Variants in C14orf93 observed in about 807,000 individuals in gnomAD.
C14orf93 encodes the protein chromosome 14 open reading frame 93.
A neutral mutation model predicts 44.0 loss-of-function variants in C14orf93; 23 were observed. The observed-to-expected ratio is 0.52, with a 90% CI of 0.38 to 0.74. The LOEUF (loss-of-function observed/expected upper bound fraction) is 0.74. Ranked by LOEUF, C14orf93 falls within the 30% of genes least tolerant of loss-of-function variation. C14orf93 has a pLI of 0.00. For synonymous variants in C14orf93, 253 were observed against 265.7 expected (o/e 0.95, Z 0.46); for missense variants, 579 against 678.9 (o/e 0.85, Z 1.64).
At chr14:22,988,133 G>GA in intron 5 of C14orf93, 118 bp from the exon 6 acceptor site, 1 of 588,144 alleles carries the variant, frequency 1.7e-6, no homozygotes, top group Admixed American at 3.3e-5. Context: ...TTAGATGAGG[G>GA]CTTTTTTTTT....
intron 1 of C14orf93, among the ~76,000 whole-genome samples, chr14:23,002,438 C>T (rs1231335760): frequency 7.3e-6 from 1 of 136,330 alleles, no homozygotes. Flanking sequence ...GGTGATGGAA[C>T]GAGACTCCAT....
Position 22,987,264 on chromosome 14 carries a change from C to G in C14orf93, c.1568G>C (p.Cys523Ser). The part of the protein sequence containing the change: ...PSFDQPHKTC[C>S]PDLNSFIEIK... ...TTCAATGAATGAGTTCAAGTCAGGA[C>G]AGCAGGTTTTGTGGGGTTGGTCAAA... Residue 523 changes from cysteine to serine, a missense_variant, in exon 7 of 7, where the codon TGT (cysteine) becomes TCT (serine). Physicochemically the swap from Cys to Ser is moderately radical, Grantham distance 112. Coordinates refer to ENST00000299088, the MANE Select transcript of C14orf93 (RefSeq NM_021944.4). This position sits in a 1 kb window ranked among gnomAD's most constrained non-coding sequence, Gnocchi z 5.6. 6.2e-7 allele frequency: 1 copy of G among 1,614,222 alleles called. No individual in the cohort carries two copies.
At chr14:23,004,827 A>G (rs2046545772) in intron 1 of C14orf93, among the ~76,000 whole-genome samples, 1 of 152,156 alleles carries the variant, frequency 6.6e-6, no homozygotes, top group African/African-American at 2.4e-5. Context: ...CTGAGGCAGG[A>G]GAATCACTTG....
chr14:23,009,641 G>T (rs1178377081), intron 1 of C14orf93, among the ~76,000 whole-genome samples: 1 of 112,502 alleles, frequency 8.9e-6, no homozygotes, highest in Admixed American at 8.0e-5. Flanking sequence ...CAGCCACTTG[G>T]TTTTGGTTCT....
At chr14:23,007,798 G>A (rs1294457092) in intron 1 of C14orf93, among the ~76,000 whole-genome samples, 1 of 152,134 alleles carries the variant, frequency 6.6e-6, no homozygotes, top group East Asian at 1.9e-4. Context: ...AAGGTAAAAA[G>A]TATATGTGAT....
intron 3 of C14orf93, among the ~76,000 whole-genome samples, chr14:22,992,373 G>A (rs1013349849): frequency 2.0e-5 from 3 of 151,254 alleles, no homozygotes; most frequent in Non-Finnish European, 4.4e-5. Context: ...GGCTGAGACA[G>A]AGGAATTGCT....
In C14orf93 at chr14:22,986,459, A is replaced by G. The variant is rs1340899126; in HGVS notation, c.*756T>C. 6.6e-6 allele frequency: 1 copy of G among 152,306 alleles called. No individual in the cohort carries two copies. The highest frequency in any genetic ancestry group is 2.4e-5 in the African/African-American group (1 of 41,452). The allele number at this position is 152,306 out of a possible 1,614,324, so 9.4% of individuals were successfully genotyped here. On this transcript the variant is annotated 3_prime_UTR_variant, in exon 7 of 7. Transcript: ENST00000299088. ...AATGTAAAGCCATTTTTGCTTTTCAATCCATCCAAAATGCACACCCCTTCC... is the reference window on the plus strand; with the variant it reads ...AATGTAAAGCCATTTTTGCTTTTCAGTCCATCCAAAATGCACACCCCTTCC...
In C14orf93 at chr14:22,998,863, G is replaced by A. The variant is rs778053279; in HGVS notation, c.161C>T (p.Ala54Val). Reference protein sequence around the residue: ...TPITVTGHGLAVQSSEQLLHV... With the variant: ...TPITVTGHGLVVQSSEQLLHV... ...CAGGAGCTGCTCTGAGCTCTGAACA[G>A]CCAAGCCATGTCCAGTCACTGTGAT... Residue 54 changes from alanine to valine, a missense_variant, in exon 2 of 7, where the codon GCT becomes GTT. Coordinates refer to ENST00000299088, the MANE Select transcript of C14orf93 (RefSeq NM_021944.4). 1 of 1,613,958 alleles carries A rather than the reference G, an allele frequency of 6.2e-7. No homozygotes were observed. Among genetic ancestry groups the A allele is most frequent in the South Asian group, 1.1e-5 (1 of 91,072 alleles).
chr14:22,991,069 C>T (rs1304832126), intron 3 of C14orf93, among the ~76,000 whole-genome samples: 3 of 151,754 alleles, frequency 2.0e-5, no homozygotes, highest in African/African-American at 4.8e-5. Flanking sequence ...CTGCCCGCCT[C>T]GGCCTCCCAA....
Position 22,998,817 on chromosome 14 carries a change from G to A in C14orf93, c.207C>T (p.Val69=), listed in dbSNP as rs755319357. 47 of 1,613,950 alleles carry A rather than the reference G, an allele frequency of 2.9e-5. No homozygotes were observed. The highest frequency in any genetic ancestry group is 2.7e-4 in the Admixed American group (16 of 59,992). The change falls in exon 2 of 7, where the codon GTC becomes GTT. Residue 69 remains valine (V), a synonymous_variant. Transcript: ENST00000299088. The part of the protein sequence containing the change: ...EQLLHVIYQR[V]DKAVGLAEAA... ...CTTCAGCCAAACCCACTGCCTTATC[G>A]ACCCGCTGGTAGATAACATGCAGGA...
Position 22,996,139 on chromosome 14 carries a change from C to T in C14orf93, c.727G>A (p.Gly243Arg), listed in dbSNP as rs2045959989. 4.3e-6 allele frequency: 7 copies of T among 1,614,054 alleles called. No homozygotes were observed. The East Asian group carries it at 1.6e-4, about 36-fold the overall frequency. ...GGGCGGGGTGGTGGCAGCTTGGTTC[C>T]ATTTTCTGGTCCTGTCTCTGGGGTT... is the stretch of plus-strand genomic sequence containing the variant. The part of the protein sequence containing the change: ...RATPETGPEN[G>R]TKLPPPRPED... The change falls in exon 3 of 7, where the codon GGA becomes AGA. Residue 243 changes from glycine to arginine, a missense_variant. By Grantham distance (125) the Gly-to-Arg change is moderately radical. Transcript: ENST00000299088. This position sits in a 1 kb window ranked among gnomAD's most constrained non-coding sequence, Gnocchi z 4.1.
chr14:22,993,856 C>G (rs763274924), intron 3 of C14orf93: 1 of 152,236 alleles, frequency 6.6e-6, no homozygotes, highest in Non-Finnish European at 1.5e-5. Context: ...TGGAGAGATG[C>G]CTCTTTGATT....
rs757188716 is a variant in C14orf93, at chr14:22,987,883, AG to A, written c.1197+19del. 1 of 1,578,386 alleles carries A rather than the reference AG, an allele frequency of 6.3e-7. No homozygotes were observed. Among genetic ancestry groups the A allele is most frequent in the African/African-American group, 1.4e-5 (1 of 73,924 alleles). On this transcript the variant is annotated intron_variant, in intron 6 of 6. Transcript: ENST00000299088. This position sits in a 1 kb window ranked among gnomAD's most constrained non-coding sequence, Gnocchi z 5.6. ...AGGGTTTAGAGTTTAGTATCTTGAA[AG>A]AAAGGCCTAGAAACCTACCCGATAT...
At chr14:22,989,697 GA>G (rs777020551) in intron 5 of C14orf93, 44 bp downstream of exon 5, 1 of 1,272,546 alleles carries the variant, frequency 7.9e-7, no homozygotes, top group South Asian at 1.2e-5. Context: ...AGTGGGAGGA[GA>G]GGGGGAGAAA....
chr14:22,996,049 T>G lies in C14orf93; in HGVS notation c.817A>C (p.Thr273Pro). ...SALEESGPGS[T>P]GELRHSLGLT... ...CCTAGAGAGTGTCTCAGCTCCCCAG[T>G]GCTCCCAGGGCCTGACTCTTCCAAG... Residue 273 changes from threonine to proline, a missense_variant, in exon 3 of 7, where the codon ACT (threonine) becomes CCT (proline). Thr to Pro is a conservative substitution (Grantham distance 38). Transcript: ENST00000299088. The surrounding 1 kb of genome is among the most constrained non-coding windows in gnomAD (Gnocchi z 4.1). The G allele has an allele frequency of 6.2e-7, 1 of 1,614,200 alleles. No homozygotes were observed. Among genetic ancestry groups the G allele is most frequent in the South Asian group, 1.1e-5 (1 of 91,084 alleles).
intron 1 of C14orf93, among the ~76,000 whole-genome samples, chr14:23,004,330 C>A (rs111744149): frequency 0.04 from 6,085 of 151,600 alleles, 395 homozygotes; most frequent in African/African-American, 0.14. Flanking sequence ...TCTGCCTCAG[C>A]CTCCCGAAGA....
chr14:23,004,632 A>T lies in C14orf93; in HGVS notation c.-379-5230T>A, dbSNP rs527577496. ...TAAACATGGACTATCTAAAAAACAAATTGAGGCCAGGTGCAGTGGCTCAAA... is the reference window on the plus strand; with the variant it reads ...TAAACATGGACTATCTAAAAAACAATTTGAGGCCAGGTGCAGTGGCTCAAA... On this transcript the variant is annotated intron_variant, in intron 1 of 6. Coordinates refer to ENST00000299088, the MANE Select transcript of C14orf93 (RefSeq NM_021944.4). Among the ~76,000 whole-genome samples, 51 of 152,304 alleles carry T rather than the reference A, an allele frequency of 3.3e-4. 1 individual carries two copies. The South Asian group carries it at 0.01, about 30-fold the overall frequency.
chr14:22,998,532 T>C lies in C14orf93; in HGVS notation c.492A>G (p.Ala164=). Residue 164 remains alanine (A), a synonymous_variant, in exon 2 of 7, where the codon GCA becomes GCG. Transcript: ENST00000299088. ...VVIEELRQLG[A]ASVGPGPLGF... is the part of the protein sequence containing the mutation. Reference sequence around the variant, plus strand: ...CCAAAGGCCCAGGCCCCACTGAGGCTGCTCCCAGCTGCCGCAGCTCCTCAA... The same window carrying C: ...CCAAAGGCCCAGGCCCCACTGAGGCCGCTCCCAGCTGCCGCAGCTCCTCAA... The C allele has an allele frequency of 6.2e-7, 1 of 1,613,780 alleles. No homozygotes were observed. The highest frequency in any genetic ancestry group is 1.1e-5 in the South Asian group (1 of 91,052).
At chr14:23,005,452 G>C (rs2046577659) in intron 1 of C14orf93, 1 of 152,082 alleles carries the variant, frequency 6.6e-6, no homozygotes, top group Non-Finnish European at 1.5e-5. Flanking sequence ...AGCATAGCAA[G>C]ACCCAGTCTC....
Sources: gnomAD v4.1 joint callset for allele counts (sites outside exome capture counted in the v4.1 genomes callset) on GRCh38, gnomAD v4.1.1 for gene constraint, Gnocchi (gnomAD v3.1) non-coding constraint, MANE v1.5 for transcripts, NCBI Gene and HGNC (gene_info 2026-07-23, HGNC 2026-07-21) for gene names.